The following ERAP2 variants were observed in gnomAD, a reference collection of about 807,000 sequenced individuals.
The protein encoded by ERAP2 is endoplasmic reticulum aminopeptidase 2, also known as leukocyte-derived arginine aminopeptidase.
ERAP2 carries 118 observed loss-of-function variants against 111.1 expected under a neutral mutation model. That is an observed-to-expected ratio of 1.06 (90% CI 0.92 to 1.24). The LOEUF (loss-of-function observed/expected upper bound fraction) is 1.24. Among genes scored for constraint, ERAP2 ranks in the 50% most tolerant of loss-of-function variants. ERAP2 has a pLI of 0.00. For synonymous variants in ERAP2, 410 were observed against 401.2 expected, an observed-to-expected ratio of 1.02 and a Z score of -0.26; for missense variants, 1,131 against 1,125.8, an observed-to-expected ratio of 1.00 and a Z score of -0.07.
chr5:96,916,768 T>A (rs1171426957), intron 18 of ERAP2, among the ~76,000 whole-genome samples: 1 of 150,770 alleles, frequency 6.6e-6, no homozygotes, highest in African/African-American at 2.4e-5. Flanking sequence ...AGCCTATCTT[T>A]TTTTTTTTTT....
chr5:96,888,525 CTG>C (rs1783999985), intron 4 of ERAP2, among the ~76,000 whole-genome samples: 1 of 152,190 alleles, frequency 6.6e-6, no homozygotes, highest in Admixed American at 6.5e-5. Context: ...GCCTGGTAAA[CTG>C]TCAAAAAATG....
At chr5:96,895,205 AT>A (rs1238177992) in intron 6 of ERAP2, 40 bp from the exon 7 acceptor site, 4 of 1,223,618 alleles carry the variant, frequency 3.3e-6, no homozygotes, top group Non-Finnish European at 4.7e-6. Context: ...AATAATTTTT[AT>A]TTGTTTAACT....
At chr5:96,887,079 A>G (rs866455051) in intron 4 of ERAP2, among the ~76,000 whole-genome samples, 3 of 69,494 alleles carry the variant, frequency 4.3e-5, no homozygotes, top group African/African-American at 9.6e-5. Flanking sequence ...CAAAGTATAT[A>G]TATATATATA....
At chr5:96,906,373 C>T (rs868858425) in intron 13 of ERAP2, among the ~76,000 whole-genome samples, 5 of 152,068 alleles carry the variant, frequency 3.3e-5, no homozygotes, top group Non-Finnish European at 7.4e-5. Context: ...CTCAAGCGAT[C>T]CTCCCACCTC....
intron 11 of ERAP2, among the ~76,000 whole-genome samples, 163 bp from the exon 12 acceptor site, chr5:96,902,111 A>G (rs1785532659): frequency 6.6e-6 from 1 of 152,204 alleles, no homozygotes; most frequent in African/African-American, 2.4e-5. Context: ...TTGCATACTT[A>G]AGGATATGCT....
intron 3 of ERAP2, among the ~76,000 whole-genome samples, chr5:96,885,447 A>T (rs1051500626): frequency 1.3e-5 from 2 of 152,218 alleles, no homozygotes; most frequent in African/African-American, 2.4e-5. Flanking sequence ...CTTTTCTTAC[A>T]GTATTTTATC....
At position 96,912,809 on chromosome 5, in the gene ERAP2, T is replaced by C. The variant is rs1786948428; in HGVS notation, c.2516+11T>C. 9.5e-6 allele frequency: 15 copies of C among 1,580,212 alleles called. No homozygotes were observed. Among genetic ancestry groups the C allele is most frequent in the Non-Finnish European group, 1.3e-5 (15 of 1,169,010 alleles). On this transcript the variant is annotated intron_variant, in intron 16 of 18. Coordinates refer to ENST00000437043, the MANE Select transcript of ERAP2 (RefSeq NM_022350.5). Reference sequence around the variant, plus strand: ...GGAAAAGTTACTGAAGTAAGTTCAATAATTTAACTAAATTGTTATAAGTAA... The same window carrying C: ...GGAAAAGTTACTGAAGTAAGTTCAACAATTTAACTAAATTGTTATAAGTAA...
chr5:96,892,372 A>G lies in ERAP2; in HGVS notation c.1044A>G (p.Ser348=), dbSNP rs1271746414. 6.2e-7 allele frequency: 1 copy of G among 1,614,096 alleles called. No homozygotes were observed. Among genetic ancestry groups the G allele is most frequent in the Admixed American group, 1.7e-5 (1 of 60,006 alleles). Residue 348 remains serine, a synonymous_variant, in exon 6 of 19, where the codon TCA becomes TCG. Transcript: ENST00000437043. The stretch of plus-strand genomic sequence containing the variant: ...GCCTCATTACATATAGGGAGACGTC[A>G]CTGCTTTTTGACCCCAAGACCTCTT... ...NWGLITYRET[S]LLFDPKTSSA...
rs200334484 is a variant in ERAP2 at position 96,886,801 on chromosome 5, T to G, written c.849+12T>G. On this transcript the variant is annotated intron_variant, in intron 4 of 18. Coordinates refer to ENST00000437043, the MANE Select transcript of ERAP2 (RefSeq NM_022350.5). ...CATCAGGGGTCAAGGTGAGACTGAG[T>G]TCTAACGTTCTACGCAGTGCAGAAA... 6.2e-5 allele frequency: 91 copies of G among 1,472,938 alleles called. No individual in the cohort carries two copies. Among genetic ancestry groups the G allele is most frequent in the Admixed American group, 9.4e-5 (5 of 53,302 alleles). The allele number at this position is 1,472,938 out of a possible 1,614,324, so 91.2% of individuals were successfully genotyped here.
At chr5:96,916,228 C>CA (rs1485865132) in intron 18 of ERAP2, among the ~76,000 whole-genome samples, 4 of 117,046 alleles carry the variant, frequency 3.4e-5, no homozygotes, top group Non-Finnish European at 7.6e-5. Context: ...CTCAAAAAAA[C>CA]AAAAAACAAA....
rs776839217 is a variant in ERAP2, at chr5:96,909,077, T to C, written c.2129T>C (p.Met710Thr). Reference sequence around the variant, plus strand: ...TACTTGGAATCGTTTTACCACATGATGGACAGAAGGAATATTTCAGATATC... The same window carrying C: ...TACTTGGAATCGTTTTACCACATGACGGACAGAAGGAATATTTCAGATATC... ...LSYLESFYHM[M>T]DRRNISDISE... Residue 710 changes from methionine to threonine, a missense_variant, in exon 14 of 19, where the codon ATG (methionine) becomes ACG (threonine). Met to Thr is a moderately conservative substitution (Grantham distance 81, BLOSUM62 -1). Transcript: ENST00000437043. 2 of 1,614,172 alleles carry C rather than the reference T, an allele frequency of 1.2e-6. No individual in the cohort carries two copies. Among genetic ancestry groups the C allele is most frequent in the Non-Finnish European group, 1.7e-6 (2 of 1,179,982 alleles).
chr5:96,896,953 C>T (rs911102760), intron 9 of ERAP2, 90 bp downstream of exon 9: 23 of 1,239,972 alleles, frequency 1.9e-5, no homozygotes, highest in Non-Finnish European at 2.5e-5. Context: ...TATATATTGT[C>T]AGTCAACCAT....
chr5:96,896,674 C>G, intron 8 of ERAP2, 58 bp from the exon 9 acceptor site: 1 of 1,504,424 alleles, frequency 6.6e-7, no homozygotes, highest in South Asian at 1.3e-5. Flanking sequence ...CCTTTAAAAA[C>G]ATACCATACT....
chr5:96,912,565 C>A, intron 15 of ERAP2, 72 bp from the exon 16 acceptor site: 2 of 1,202,392 alleles, frequency 1.7e-6, no homozygotes, highest in Non-Finnish European at 2.4e-6. Flanking sequence ...TGTTATAGGA[C>A]TTAAAATTGT....
At chr5:96,897,168 T>G (rs1300234088) in intron 9 of ERAP2, among the ~76,000 whole-genome samples, 1 of 152,206 alleles carries the variant, frequency 6.6e-6, no homozygotes, top group African/African-American at 2.4e-5. Flanking sequence ...TTCTACCATA[T>G]AACACCTAAT....
chr5:96,896,285 A>G, intron 7 of ERAP2, 88 bp from the exon 8 acceptor site: 1 of 1,075,954 alleles, frequency 9.3e-7, no homozygotes, highest in Non-Finnish European at 1.3e-6. Flanking sequence ...TCTTACCTCT[A>G]AGAACATCTT....
chr5:96,894,007 T>A (rs1304852004), intron 6 of ERAP2, among the ~76,000 whole-genome samples: 1 of 152,186 alleles, frequency 6.6e-6, no homozygotes, highest in Non-Finnish European at 1.5e-5. Flanking sequence ...AAACTGATTA[T>A]TTCCTCCTGG....
rs192036251 is a variant in ERAP2, at chr5:96,912,389, G to A, written c.2355-248G>A. Among the ~76,000 whole-genome samples, 215 of 152,078 alleles carry A rather than the reference G, an allele frequency of 1.4e-3. 3 individuals carry two copies. The highest frequency in any genetic ancestry group is 0.014 in the Middle Eastern group (4 of 294). On this transcript the variant is annotated intron_variant, in intron 15 of 18. Transcript: ENST00000437043. ...ACATCAACTTTCTATTTTCACCTCA[G>A]AGTAGGTTAAAATTTTATGCTTATT... is the stretch of plus-strand genomic sequence containing the variant.
chr5:96,886,628 A>G, intron 3 of ERAP2, 27 bp from the exon 4 acceptor site: 2 of 1,473,976 alleles, frequency 1.4e-6, no homozygotes, highest in Non-Finnish European at 1.8e-6. Context: ...GTTTTCAAGT[A>G]CTGATTATTC....
Sources: allele counts gnomAD v4.1 joint callset (sites outside exome capture counted in the v4.1 genomes callset), GRCh38; gene constraint gnomAD v4.1.1; transcripts MANE v1.5; gene names NCBI Gene and HGNC (gene_info 2026-07-23, HGNC 2026-07-21).